The following TNNI3K variants were observed in gnomAD, a reference collection of about 807,000 sequenced individuals.
The protein encoded by TNNI3K is TNNI3 interacting kinase.
A neutral mutation model predicts 114.5 loss-of-function variants in TNNI3K; 140 were observed. That is an observed-to-expected ratio of 1.22 (90% confidence interval 1.07 to 1.41). The LOEUF (loss-of-function observed/expected upper bound fraction) is 1.41. Ranked by LOEUF, TNNI3K falls within the 40% of genes most tolerant of loss-of-function variation. The pLI is 0.00. For synonymous variants in TNNI3K, 347 were observed against 347.5 expected, an observed-to-expected ratio of 1.00 and a Z score of 0.02; for missense variants, 1,125 against 1,007.6, an observed-to-expected ratio of 1.12 and a Z score of -1.58.
intron 23 of TNNI3K, among the ~76,000 whole-genome samples, chr1:74,527,892 G>T (rs536700252): frequency 6.6e-6 from 1 of 152,174 alleles, no homozygotes; most frequent in Non-Finnish European, 1.5e-5. Context: ...GTGGTGGATG[G>T]GAGTGGTGGG....
intron 4 of TNNI3K, among the ~76,000 whole-genome samples, chr1:74,260,535 A>G (rs1655600431): frequency 6.6e-6 from 1 of 152,180 alleles, no homozygotes; most frequent in Non-Finnish European, 1.5e-5. Flanking sequence ...TATCTATTTT[A>G]TTGTGTAGTT....
chr1:74,509,903 G>C (rs1375951275), intron 23 of TNNI3K, among the ~76,000 whole-genome samples: 2 of 151,580 alleles, frequency 1.3e-5, no homozygotes, highest in African/African-American at 4.8e-5. Flanking sequence ...ACAGGCATAC[G>C]CCACTGCACT....
At chr1:74,511,380 A>T (rs930323112) in intron 23 of TNNI3K, among the ~76,000 whole-genome samples, 1 of 152,018 alleles carries the variant, frequency 6.6e-6, no homozygotes, top group East Asian at 1.9e-4. Context: ...TTTAGTAGAG[A>T]TAGGGTTTTG....
chr1:74,408,682 A>G (rs536853248), intron 17 of TNNI3K, among the ~76,000 whole-genome samples: 1 of 152,346 alleles, frequency 6.6e-6, no homozygotes, highest in South Asian at 2.1e-4. Flanking sequence ...GTCACAAGTC[A>G]TAGGCCTAGA....
At chr1:74,440,656 T>C (rs1055314903) in intron 20 of TNNI3K, among the ~76,000 whole-genome samples, 2 of 152,134 alleles carry the variant, frequency 1.3e-5, no homozygotes, top group African/African-American at 2.4e-5. Context: ...GCTCTGTGCA[T>C]AGTTTGTTAA....
intron 12 of TNNI3K, 61 bp downstream of exon 12, chr1:74,367,403 T>C: frequency 1.3e-6 from 2 of 1,565,644 alleles, no homozygotes; most frequent in Non-Finnish European, 1.8e-6. Context: ...AAGGTAAACC[T>C]GTGTTTCTGT....
At chr1:74,479,520 A>G (rs1457786611) in intron 21 of TNNI3K, among the ~76,000 whole-genome samples, 1 of 152,228 alleles carries the variant, frequency 6.6e-6, no homozygotes, top group Non-Finnish European at 1.5e-5. Context: ...GAGAAGTTAG[A>G]TAATGCATCC....
At chr1:74,480,451 T>C (rs1243285678) in intron 21 of TNNI3K, 2 of 717,488 alleles carry the variant, frequency 2.8e-6, no homozygotes, top group South Asian at 1.5e-5. Flanking sequence ...ACTGCTTCAG[T>C]GGAGTAAACA....
At chr1:74,282,445 T>G (rs922395606) in intron 5 of TNNI3K, among the ~76,000 whole-genome samples, 5 of 151,996 alleles carry the variant, frequency 3.3e-5, no homozygotes, top group African/African-American at 1.2e-4. Context: ...TATCTCTGTG[T>G]GTGCACATGC....
intron 17 of TNNI3K, among the ~76,000 whole-genome samples, chr1:74,403,795 G>A (rs1222316997): frequency 6.6e-6 from 1 of 152,120 alleles, no homozygotes; most frequent in African/African-American, 2.4e-5. Context: ...CATAGTTAAT[G>A]AGAAACATAG....
At position 74,342,824 on chromosome 1, in the gene TNNI3K, C is replaced by G. The variant is rs374987653; in HGVS notation, c.683-18C>G. On this transcript the variant is annotated intron_variant, in intron 7 of 24. Coordinates refer to ENST00000326637, the MANE Select transcript of TNNI3K (RefSeq NM_015978.3). ...ACAATTCTAGATAACATATCTTTTT[C>G]TTTCTTGCTGATAACAGTGAATGCT... is the stretch of plus-strand genomic sequence containing the variant. 1.3e-5 allele frequency: 21 copies of G among 1,612,198 alleles called. No individual in the cohort carries two copies. In the African/African-American group the frequency reaches 2.3e-4, roughly 17 times the overall value.
At chr1:74,452,436 T>A (rs1667067451) in intron 20 of TNNI3K, among the ~76,000 whole-genome samples, 1 of 152,170 alleles carries the variant, frequency 6.6e-6, no homozygotes, top group African/African-American at 2.4e-5. Context: ...TGACTCCTCT[T>A]TAGTCTCGTT....
chr1:74,240,052 ATCC>A (rs1654093116), intron 2 of TNNI3K: 4 of 449,570 alleles, frequency 8.9e-6, no homozygotes, highest in South Asian at 6.5e-5. Context: ...GTCTGATTAT[ATCC>A]TCCTCTGTGC....
At chr1:74,501,997 G>A (rs1290142476) in intron 23 of TNNI3K, among the ~76,000 whole-genome samples, 1 of 151,982 alleles carries the variant, frequency 6.6e-6, no homozygotes, top group Non-Finnish European at 1.5e-5. Flanking sequence ...TACCTAATCT[G>A]GATGTTGCCC....
chr1:74,441,048 C>G (rs1008314296), intron 20 of TNNI3K, among the ~76,000 whole-genome samples: 1 of 152,082 alleles, frequency 6.6e-6, no homozygotes, highest in Non-Finnish European at 1.5e-5. Flanking sequence ...GCCATCTTTC[C>G]TTTAAACCAC....
chr1:74,240,152 T>A (rs564207711), intron 2 of TNNI3K: 1 of 210,898 alleles, frequency 4.7e-6, no homozygotes, highest in Non-Finnish European at 1.0e-5. Flanking sequence ...CTAGTATATG[T>A]GTTCATTAAA....
At chr1:74,314,377 T>C (rs1245481764) in intron 5 of TNNI3K, among the ~76,000 whole-genome samples, 1 of 152,078 alleles carries the variant, frequency 6.6e-6, no homozygotes, top group Non-Finnish European at 1.5e-5. Flanking sequence ...AAAGAACATT[T>C]TGTCAAAATA....
At chr1:74,384,643 A>G (rs944211808) in intron 17 of TNNI3K, among the ~76,000 whole-genome samples, 1 of 152,148 alleles carries the variant, frequency 6.6e-6, no homozygotes, top group Non-Finnish European at 1.5e-5. Flanking sequence ...TTGACTTTCA[A>G]TGAGGTCTCA....
At chr1:74,456,259 C>T (rs540605212) in intron 20 of TNNI3K, among the ~76,000 whole-genome samples, 1 of 152,160 alleles carries the variant, frequency 6.6e-6, no homozygotes, top group Non-Finnish European at 1.5e-5. Flanking sequence ...TCAAGAAAGA[C>T]TTCCAGGCTT....
Sources: allele counts gnomAD v4.1 joint callset (sites outside exome capture counted in the v4.1 genomes callset), GRCh38; gene constraint gnomAD v4.1.1; transcripts MANE v1.5; gene names NCBI Gene and HGNC (gene_info 2026-07-23, HGNC 2026-07-21).